The following NCR3LG1 variants were observed in gnomAD, a reference collection of about 807,000 sequenced individuals.
NCR3LG1 encodes natural killer cell cytotoxicity receptor 3 ligand 1, also known as natural cytotoxicity triggering receptor 3 ligand 1.
In NCR3LG1, 35 loss-of-function variants were observed where a neutral mutation model predicts 34.8. That is an observed-to-expected ratio of 1.01 (90% confidence interval 0.77 to 1.33). NCR3LG1 has a LOEUF of 1.33. Among genes scored for constraint, NCR3LG1 ranks in the 40% most tolerant of loss-of-function variants. The pLI, the probability that NCR3LG1 is intolerant of heterozygous loss-of-function variation, is 0.00. For missense variants in NCR3LG1, 452 were observed against 423.3 expected, an observed-to-expected ratio of 1.07 and a Z score of -0.60; for synonymous variants, 173 against 163.6, an observed-to-expected ratio of 1.06 and a Z score of -0.44.
chr11:17,372,848 A>C lies in NCR3LG1; in HGVS notation c.*336A>C. The C allele has an allele frequency of 4.1e-6, 1 of 242,546 alleles. No homozygotes were observed. The allele number at this position is 242,546 out of a possible 1,614,324, so 15.0% of individuals were successfully genotyped here. A position where few individuals can be genotyped will look rare whatever the true frequency, so the allele number is the denominator to read the frequency against. ...GAGGCAGTGCCCCTTGAACAACATA[A>C]TTCGGACCCCAGTGGTACCTTAGAT... is the stretch of plus-strand genomic sequence containing the variant. On this transcript the variant is annotated 3_prime_UTR_variant, in exon 5 of 5. Transcript: ENST00000338965.
At position 17,356,940 on chromosome 11, in the gene NCR3LG1, C is replaced by G. The variant is rs1238619438; in HGVS notation, c.360C>G (p.Tyr120Ter). 3 of 1,535,942 alleles carry G rather than the reference C, an allele frequency of 2.0e-6. No individual in the cohort carries two copies. Among genetic ancestry groups the G allele is most frequent in the East Asian group, 2.4e-5 (1 of 40,908 alleles). ...PGIQLEEAGE[Y>*]RCEVVVTPLK... ...TCCAGCTGGAGGAAGCAGGAGAGTA[C>G]CGATGTGAGGTGGTGGTCACCCCTC... The change falls in exon 2 of 5, where the codon TAC becomes TAG. Residue 120 changes from tyrosine to a stop codon, truncating the protein, a stop_gained. Transcript: ENST00000338965. LOFTEE classifies it high-confidence loss of function.
rs1461462233 is a variant in NCR3LG1 at position 17,372,048 on chromosome 11, A to C, written c.901A>C (p.Ile301Leu). The change falls in exon 5 of 5, where the codon ATT becomes CTT. Residue 301 changes from isoleucine (I) to leucine (L), a missense_variant. Ile to Leu is a conservative substitution (Grantham distance 5, BLOSUM62 2). Transcript: ENST00000338965. Reference protein sequence around the residue: ...SSSAYTPLKCILKHWNSFDTQ... With the variant: ...SSSAYTPLKCLLKHWNSFDTQ... The stretch of plus-strand genomic sequence containing the variant: ...TTCAGCCTATACTCCTCTCAAGTGC[A>C]TTCTGAAACACTGGAACTCCTTTGA... 1 of 702,722 alleles carries C rather than the reference A, an allele frequency of 1.4e-6. No homozygotes were observed. The highest frequency in any genetic ancestry group is 2.6e-6 in the Non-Finnish European group (1 of 384,994). 43.5% of individuals were successfully genotyped at this position (702,722 alleles called of 1,614,324 possible).
At chr11:17,359,424 T>G (rs1291693153) in intron 2 of NCR3LG1, among the ~76,000 whole-genome samples, 1 of 152,192 alleles carries the variant, frequency 6.6e-6, no homozygotes, top group Non-Finnish European at 1.5e-5. Flanking sequence ...CATCCTCTGT[T>G]TATTGAATTA....
chr11:17,370,225 G>C (rs1265825122), intron 4 of NCR3LG1, among the ~76,000 whole-genome samples: 1 of 152,196 alleles, frequency 6.6e-6, no homozygotes, highest in Non-Finnish European at 1.5e-5. Flanking sequence ...GCAGTGGAGT[G>C]CTTTCTTCTT....
intron 2 of NCR3LG1, among the ~76,000 whole-genome samples, chr11:17,364,938 G>A (rs184973325): frequency 2.9e-3 from 444 of 152,216 alleles, no homozygotes; most frequent in Non-Finnish European, 4.9e-3. Flanking sequence ...CTTTTGGTTC[G>A]TTCTTAGCAT....
intron 1 of NCR3LG1, among the ~76,000 whole-genome samples, chr11:17,353,444 GCGGT>G (rs1299928507): frequency 6.6e-6 from 1 of 152,096 alleles, no homozygotes; most frequent in Non-Finnish European, 1.5e-5. Flanking sequence ...GCCTGTCGCT[GCGGT>G]CTGGAAACGC....
chr11:17,372,029 C>T lies in NCR3LG1; in HGVS notation c.882C>T (p.Ala294=), dbSNP rs536099299. ...AGATATGTAACAAATCATCTTCAGC[C>T]TATACTCCTCTCAAGTGCATTCTGA... is the stretch of plus-strand genomic sequence containing the variant. ...WKKICNKSSS[A]YTPLKCILKH... Residue 294 remains alanine (A), a synonymous_variant, in exon 5 of 5, where the codon GCC becomes GCT. Transcript: ENST00000338965. 1.4e-6 allele frequency: 1 copy of T among 702,162 alleles called. No homozygotes were observed. Among genetic ancestry groups the T allele is most frequent in the African/African-American group, 1.7e-5 (1 of 57,340 alleles). The allele number at this position is 702,162 out of a possible 1,614,324, so 43.5% of individuals were successfully genotyped here.
chr11:17,366,708 G>A (rs1383540605), intron 2 of NCR3LG1, among the ~76,000 whole-genome samples: 1 of 152,206 alleles, frequency 6.6e-6, no homozygotes, highest in South Asian at 2.1e-4. Context: ...AGCCCAAGCT[G>A]ACTTGCATTC....
rs1350359632 is a variant in NCR3LG1, at chr11:17,372,799, G to A, written c.*287G>A. The A allele has an allele frequency of 5.6e-6, 2 of 355,974 alleles. No individual in the cohort carries two copies. The highest frequency in any genetic ancestry group is 4.3e-5 in the Admixed American group (1 of 23,234). The allele number at this position is 355,974 out of a possible 1,614,324, so 22.1% of individuals were successfully genotyped here. A position where few individuals can be genotyped will look rare whatever the true frequency, so the allele number is the denominator to read the frequency against. ...AAGGAAAGAAGGTGAGAAACAACCA[G>A]CATTCACATACCCAATAGGAAGCGA... On this transcript the variant is annotated 3_prime_UTR_variant, in exon 5 of 5. Coordinates refer to ENST00000338965, the MANE Select transcript of NCR3LG1 (RefSeq NM_001202439.3).
intron 1 of NCR3LG1, 131 bp from the exon 2 acceptor site, chr11:17,356,520 C>T (rs1953207255): frequency 1.5e-5 from 10 of 665,774 alleles, no homozygotes; most frequent in Non-Finnish European, 2.5e-5. Context: ...GGCCCTGCCT[C>T]CAGATACCAT....
chr11:17,364,091 CCAT>C (rs1953317819), intron 2 of NCR3LG1, among the ~76,000 whole-genome samples: 2 of 152,124 alleles, frequency 1.3e-5, no homozygotes, highest in African/African-American at 4.8e-5. Flanking sequence ...TCTTGTATTC[CCAT>C]TATATATCTG....
At chr11:17,367,911 C>T (rs907897373) in intron 3 of NCR3LG1, among the ~76,000 whole-genome samples, 4 of 151,864 alleles carry the variant, frequency 2.6e-5, no homozygotes, top group Non-Finnish European at 4.4e-5. Context: ...CTCTACCTCC[C>T]GTGTTCAAGC....
rs1224486274 is a variant in NCR3LG1, at chr11:17,374,115, GGGAA to G, written c.*1606_*1609del. On this transcript the variant is annotated 3_prime_UTR_variant, in exon 5 of 5. Transcript: ENST00000338965. ...ATATTAGGGGTGCAAAAATCCAATG[GGGAA>G]GGGAGACTAGTTCAGGACCTCTGCC... The G allele has an allele frequency of 1.3e-5, 2 of 152,180 alleles. No homozygotes were observed. The highest frequency in any genetic ancestry group is 4.8e-5 in the African/African-American group (2 of 41,422). The allele number at this position is 152,180 out of a possible 1,614,324, so 9.4% of individuals were successfully genotyped here. A position where few individuals can be genotyped will look rare whatever the true frequency, so the allele number is the denominator to read the frequency against.
In NCR3LG1 at chr11:17,364,201, T is replaced by A. The variant is rs181973543; in HGVS notation, c.422-2808T>A. On this transcript the variant is annotated intron_variant, in intron 2 of 4. Coordinates refer to ENST00000338965, the MANE Select transcript of NCR3LG1 (RefSeq NM_001202439.3). ...ATTTCAGTTTGGGAAGTTTCTTTTT[T>A]AAAAATTGTTTGTGATAGGGTCTTG... Among the ~76,000 whole-genome samples the A allele has an allele frequency of 4.7e-3, 723 of 152,216 alleles. 1 individual carries two copies. The highest frequency in any genetic ancestry group is 0.017 in the African/African-American group (688 of 41,506).
intron 3 of NCR3LG1, among the ~76,000 whole-genome samples, chr11:17,367,964 A>G (rs924589317): frequency 1.3e-5 from 2 of 151,976 alleles, no homozygotes; most frequent in African/African-American, 2.4e-5. Flanking sequence ...GACTACAGGC[A>G]TGCACCACCA....
intron 2 of NCR3LG1, among the ~76,000 whole-genome samples, chr11:17,364,620 C>G (rs1217369734): frequency 6.6e-6 from 1 of 151,840 alleles, no homozygotes; most frequent in Non-Finnish European, 1.5e-5. Flanking sequence ...GATCTCAGGT[C>G]ACTGCAACCT....
chr11:17,374,229 G>C lies in NCR3LG1; in HGVS notation c.*1717G>C, dbSNP rs138896275. The C allele has an allele frequency of 1.3e-5, 2 of 152,148 alleles. No individual in the cohort carries two copies. Among genetic ancestry groups the C allele is most frequent in the Non-Finnish European group, 2.9e-5 (2 of 68,036 alleles). 9.4% of individuals were successfully genotyped at this position (152,148 alleles called of 1,614,324 possible). On this transcript the variant is annotated 3_prime_UTR_variant, in exon 5 of 5. Transcript: ENST00000338965. ...ACTCAAATATCCAAGGGAACTAAAT[G>C]GTTCACAGTTCTGGGCCTAAAGGAT... is the stretch of plus-strand genomic sequence containing the variant.
Position 17,367,355 on chromosome 11 carries a change from T to G in NCR3LG1, c.760+8T>G, listed in dbSNP as rs1226664338. 1.3e-6 allele frequency: 2 copies of G among 1,524,746 alleles called. No homozygotes were observed. The highest frequency in any genetic ancestry group is 2.8e-5 in the African/African-American group (2 of 72,628). The allele number at this position is 1,524,746 out of a possible 1,614,324, so 94.5% of individuals were successfully genotyped here. A position where few individuals can be genotyped will look rare whatever the true frequency, so the allele number is the denominator to read the frequency against. ...CTCGGCACAGTCTTTCTGGTAAGGG[T>G]CTTTCTGGACATTTCTTCTCTTCCT... On this transcript the variant is annotated splice_region_variant and intron_variant, in intron 3 of 4. Transcript: ENST00000338965.
At position 17,372,116 on chromosome 11, in the gene NCR3LG1, T is replaced by G; in HGVS notation, c.969T>G (p.Thr323=). 1.4e-6 allele frequency: 1 copy of G among 702,976 alleles called. No individual in the cohort carries two copies. The highest frequency in any genetic ancestry group is 2.6e-6 in the Non-Finnish European group (1 of 384,998). The allele number at this position is 702,976 out of a possible 1,614,324, so 43.5% of individuals were successfully genotyped here. A position where few individuals can be genotyped will look rare whatever the true frequency, so the allele number is the denominator to read the frequency against. ...AAGAGCACCTCATATTCTTTTGCAC[T>G]CGGGCATGGCCGTCTTACCAGCTGC... ...LKKEHLIFFC[T]RAWPSYQLQD... Residue 323 remains threonine (T), a synonymous_variant, in exon 5 of 5, where the codon ACT becomes ACG. Coordinates refer to ENST00000338965, the MANE Select transcript of NCR3LG1 (RefSeq NM_001202439.3).
Sources: gnomAD v4.1 joint callset for allele counts (sites outside exome capture counted in the v4.1 genomes callset) on GRCh38, gnomAD v4.1.1 for gene constraint, MANE v1.5 for transcripts, NCBI Gene and HGNC (gene_info 2026-07-23, HGNC 2026-07-21) for gene names.